Variants in EIPR1 observed in about 807,000 individuals in gnomAD.
EIPR1 encodes the protein EARP complex and GARP complex interacting protein 1, also known as EARP and GARP complex-interacting protein 1.
In EIPR1, 25 loss-of-function variants were observed where a neutral mutation model predicts 48.1. The observed-to-expected ratio is 0.52, with a 90% CI of 0.38 to 0.73. The LOEUF (loss-of-function observed/expected upper bound fraction) is 0.73, where lower values mean the gene tolerates loss of function less well. EIPR1 is among the 30% of genes least tolerant of loss of function. The pLI is 0.00. For missense variants in EIPR1, 415 were observed against 506.2 expected (o/e 0.82, Z 1.73); for synonymous variants, 204 against 201.9 (o/e 1.01, Z -0.09).
chr2:3,240,005 C>T (rs560229587), intron 4 of EIPR1, among the ~76,000 whole-genome samples: 10 of 151,944 alleles, frequency 6.6e-5, no homozygotes, highest in Admixed American at 2.0e-4. Context: ...CCAGCAGACT[C>T]TTCCTAAAGA....
chr2:3,236,523 G>T (rs1377488188), intron 4 of EIPR1, among the ~76,000 whole-genome samples: 1 of 152,188 alleles, frequency 6.6e-6, no homozygotes, highest in Non-Finnish European at 1.5e-5. Flanking sequence ...GTGACTACAG[G>T]GCCAGGGCAG....
intron 5 of EIPR1, among the ~76,000 whole-genome samples, chr2:3,200,263 G>A (rs1008885250): frequency 2.6e-5 from 4 of 152,052 alleles, no homozygotes; most frequent in African/African-American, 4.8e-5. Context: ...GTGTGCCCCC[G>A]GCCCAGCTCC....
intron 1 of EIPR1, among the ~76,000 whole-genome samples, chr2:3,357,942 A>G (rs1670767761): frequency 6.6e-6 from 1 of 152,222 alleles, no homozygotes; most frequent in Admixed American, 6.5e-5. Context: ...AGGGAGATTC[A>G]TTTTGGGTTT....
chr2:3,244,866 C>A (rs1666747467), intron 4 of EIPR1, among the ~76,000 whole-genome samples: 2 of 152,166 alleles, frequency 1.3e-5, no homozygotes, highest in African/African-American at 4.8e-5. Flanking sequence ...CCTAAAACAC[C>A]CATTTGCTTC....
At chr2:3,218,236 A>G (rs1313876399) in intron 4 of EIPR1, among the ~76,000 whole-genome samples, 149 of 80,530 alleles carry the variant, frequency 1.9e-3, no homozygotes, top group South Asian at 2.7e-3. Flanking sequence ...ACTCAACACG[A>G]CCCTGATATG....
chr2:3,366,348 C>T (rs998507884), intron 1 of EIPR1, among the ~76,000 whole-genome samples: 1 of 151,998 alleles, frequency 6.6e-6, no homozygotes, highest in African/African-American at 2.4e-5. Context: ...AAATGCAAAG[C>T]AGAACTCAAA....
chr2:3,324,839 G>A (rs369341717), intron 3 of EIPR1, among the ~76,000 whole-genome samples: 82 of 152,288 alleles, frequency 5.4e-4, no homozygotes, highest in South Asian at 8.3e-4. Context: ...CCAGCACCTC[G>A]GGGGGAGGGC....
intron 1 of EIPR1, among the ~76,000 whole-genome samples, chr2:3,364,394 C>A (rs1464820921): frequency 6.6e-6 from 1 of 152,084 alleles, no homozygotes; most frequent in Admixed American, 6.6e-5. Context: ...CTTTGGGAAG[C>A]CAAGGCAGGA....
At chr2:3,291,616 A>G (rs1668369230) in intron 3 of EIPR1, among the ~76,000 whole-genome samples, 1 of 152,198 alleles carries the variant, frequency 6.6e-6, no homozygotes, top group South Asian at 2.1e-4. Context: ...ATTTGTCTTG[A>G]GTAGGGAACA....
chr2:3,214,630 G>T (rs1018726172), intron 4 of EIPR1, among the ~76,000 whole-genome samples: 2 of 152,092 alleles, frequency 1.3e-5, no homozygotes, highest in African/African-American at 4.8e-5. Flanking sequence ...CCTTAAACAG[G>T]CTCACAACAC....
At chr2:3,209,036 C>G in intron 5 of EIPR1, 1 of 1,442,322 alleles carries the variant, frequency 6.9e-7, no homozygotes, top group Non-Finnish European at 9.1e-7. Context: ...CTGACCAGCA[C>G]CATCTTTTCC....
chr2:3,204,442 C>A (rs2103120271), intron 5 of EIPR1, among the ~76,000 whole-genome samples: 1 of 152,298 alleles, frequency 6.6e-6, no homozygotes, highest in South Asian at 2.1e-4. Flanking sequence ...TAAGGTTAAT[C>A]AATCACAATT....
intron 3 of EIPR1, among the ~76,000 whole-genome samples, chr2:3,328,841 C>T (rs113377454): frequency 5.7e-5 from 7 of 122,012 alleles, no homozygotes; most frequent in Admixed American, 8.3e-5. Context: ...GATCTCAGGG[C>T]ACCAGCTGGG....
At chr2:3,225,656 C>T (rs1329433406) in intron 4 of EIPR1, among the ~76,000 whole-genome samples, 1 of 152,178 alleles carries the variant, frequency 6.6e-6, no homozygotes, top group Non-Finnish European at 1.5e-5. Flanking sequence ...CATGCACACA[C>T]TTAAGATGCA....
chr2:3,357,542 G>GC (rs1670758565), intron 1 of EIPR1, among the ~76,000 whole-genome samples: 1 of 152,216 alleles, frequency 6.6e-6, no homozygotes, highest in Non-Finnish European at 1.5e-5. Context: ...AATCCCAGCA[G>GC]CCATACTTCA....
intron 3 of EIPR1, among the ~76,000 whole-genome samples, chr2:3,317,341 G>A (rs1296761234): frequency 3.3e-5 from 5 of 150,598 alleles, no homozygotes; most frequent in Admixed American, 6.6e-5. Context: ...CCTCGCACGC[G>A]GGGTGGAGCA....
At chr2:3,375,470 T>A (rs1376826670) in intron 1 of EIPR1, among the ~76,000 whole-genome samples, 1 of 152,154 alleles carries the variant, frequency 6.6e-6, no homozygotes, top group African/African-American at 2.4e-5. Context: ...TCCTCTGGGT[T>A]TTTTGAGAGA....
intron 1 of EIPR1, among the ~76,000 whole-genome samples, chr2:3,358,526 G>A (rs1670785434): frequency 6.6e-6 from 1 of 152,090 alleles, no homozygotes; most frequent in Non-Finnish European, 1.5e-5. Flanking sequence ...TACATTTAAG[G>A]GTCCCACTGT....
intron 8 of EIPR1, 104 bp downstream of exon 8, chr2:3,192,310 T>A: frequency 2.2e-6 from 3 of 1,337,324 alleles, no homozygotes; most frequent in Non-Finnish European, 2.0e-6. Context: ...GTCCCCCAAA[T>A]GCACTCCTGG....
Sources: allele counts gnomAD v4.1 joint callset (sites outside exome capture counted in the v4.1 genomes callset), GRCh38; gene constraint gnomAD v4.1.1; transcripts MANE v1.5; gene names NCBI Gene and HGNC (gene_info 2026-07-23, HGNC 2026-07-21).